Variants in B3GALT1 observed in about 807,000 individuals in gnomAD.
B3GALT1 encodes the protein beta-1,3-galactosyltransferase 1, also known as UDP-Gal:betaGlcNAc beta 1,3-galactosyltransferase, polypeptide 1.
B3GALT1 carries 10 observed loss-of-function variants against 23.2 expected under a neutral mutation model. The ratio of observed to expected loss-of-function variants is 0.43; its 90% confidence interval spans 0.27 to 0.73. B3GALT1 has a LOEUF of 0.73. Among genes scored for constraint, B3GALT1 ranks in the 30% least tolerant of loss-of-function variants. The pLI is 0.21. For missense variants in B3GALT1, 299 were observed against 405.4 expected (o/e 0.74, Z 2.25); for synonymous variants, 156 against 141.5 (o/e 1.10, Z -0.73).
Position 167,667,751 on chromosome 2 carries a change from G to C in B3GALT1, c.-352+20785G>C, listed in dbSNP as rs1019303086. Among the ~76,000 whole-genome samples the C allele has an allele frequency of 1.3e-5, 2 of 152,124 alleles. 1 individual carries two copies. The highest frequency in any genetic ancestry group is 1.3e-4 in the Admixed American group (2 of 15,276). On this transcript the variant is annotated intron_variant, in intron 3 of 4. Transcript: ENST00000392690. ...CTTCCAGTTGATCGCATCGGCTGAG[G>C]CTTCTGCATTCTTCACGTAGTTCTC...
chr2:167,855,027 A>C (rs953963152), intron 4 of B3GALT1, among the ~76,000 whole-genome samples: 74 of 152,286 alleles, frequency 4.9e-4, no homozygotes, highest in African/African-American at 1.7e-3. Flanking sequence ...GGCTTTGTAG[A>C]TACCTTAATA....
At chr2:167,868,461 A>G (rs1690276634) in intron 4 of B3GALT1, among the ~76,000 whole-genome samples, 1 of 151,440 alleles carries the variant, frequency 6.6e-6, no homozygotes, top group African/African-American at 2.4e-5. Context: ...TTGAAAGAAG[A>G]CTTTAGTGCC....
At chr2:167,745,962 C>G (rs141286077) in intron 3 of B3GALT1, among the ~76,000 whole-genome samples, 2 of 152,248 alleles carry the variant, frequency 1.3e-5, no homozygotes, top group Non-Finnish European at 2.9e-5. Context: ...TCTTAACTCT[C>G]TCTAATAATT....
At chr2:167,663,809 T>G (rs1686117948) in intron 3 of B3GALT1, among the ~76,000 whole-genome samples, 1 of 152,158 alleles carries the variant, frequency 6.6e-6, no homozygotes, top group Admixed American at 6.5e-5. Context: ...GATGGGGTTC[T>G]TTGTTTTTTT....
intron 1 of B3GALT1, among the ~76,000 whole-genome samples, chr2:167,305,599 G>A (rs1417364420): frequency 6.6e-6 from 1 of 152,050 alleles, no homozygotes; most frequent in Non-Finnish European, 1.5e-5. Flanking sequence ...CTTGTCTTCA[G>A]TTGCACGGTT....
rs182644013 is a variant in B3GALT1 at position 167,590,302 on chromosome 2, T to C, written c.-409-56607T>C. Among the ~76,000 whole-genome samples, 559 of 139,394 alleles carry C rather than the reference T, an allele frequency of 4.0e-3. 3 individuals are homozygous for C. Among genetic ancestry groups the C allele is most frequent in the African/African-American group, 0.015 (537 of 36,856 alleles). The allele number at this position is 139,394 out of a possible 152,430, so 91.4% of individuals were successfully genotyped here. A position where few individuals can be genotyped will look rare whatever the true frequency, so the allele number is the denominator to read the frequency against. On this transcript the variant is annotated intron_variant, in intron 2 of 4. Coordinates refer to ENST00000392690, the MANE Select transcript of B3GALT1 (RefSeq NM_020981.4). Reference sequence around the variant, plus strand: ...CAGAGCTTGCAGTGCGCTGAGATCGTGCCACTGCACTCCAGCCTGGGCGAC... The same window carrying C: ...CAGAGCTTGCAGTGCGCTGAGATCGCGCCACTGCACTCCAGCCTGGGCGAC...
At chr2:167,716,474 T>C (rs371997746) in intron 3 of B3GALT1, among the ~76,000 whole-genome samples, 2 of 152,238 alleles carry the variant, frequency 1.3e-5, no homozygotes, top group East Asian at 3.8e-4. Context: ...TTATCTGATA[T>C]ACGTACAGGC....
intron 4 of B3GALT1, among the ~76,000 whole-genome samples, chr2:167,832,677 C>T (rs945895566): frequency 2.6e-5 from 4 of 152,310 alleles, no homozygotes; most frequent in South Asian, 2.1e-4. Flanking sequence ...CCTCAACAAA[C>T]GCTCTATTAA....
At chr2:167,497,940 T>A (rs1414166618) in intron 2 of B3GALT1, among the ~76,000 whole-genome samples, 2 of 152,058 alleles carry the variant, frequency 1.3e-5, no homozygotes, top group Non-Finnish European at 1.5e-5. Flanking sequence ...TTCAACTACC[T>A]GTTAAATATT....
intron 1 of B3GALT1, among the ~76,000 whole-genome samples, chr2:167,430,408 A>C (rs1698689592): frequency 6.6e-6 from 1 of 152,160 alleles, no homozygotes; most frequent in African/African-American, 2.4e-5. Flanking sequence ...GAGGCATGAT[A>C]TGATCTGACT....
At chr2:167,783,104 C>T (rs1212287525) in intron 3 of B3GALT1, among the ~76,000 whole-genome samples, 1 of 151,980 alleles carries the variant, frequency 6.6e-6, no homozygotes, top group Non-Finnish European at 1.5e-5. Context: ...ATTTTAAACC[C>T]ACCACTTCTG....
At chr2:167,646,119 A>G (rs1328838152) in intron 2 of B3GALT1, among the ~76,000 whole-genome samples, 1 of 152,158 alleles carries the variant, frequency 6.6e-6, no homozygotes, top group East Asian at 1.9e-4. Context: ...TTTTATGGGC[A>G]TCTGAGGTTT....
chr2:167,512,568 GTATATATATA>G (rs66968215), intron 2 of B3GALT1, among the ~76,000 whole-genome samples: 1,155 of 38,660 alleles, frequency 0.03, 42 homozygotes, highest in African/African-American at 0.17. Context: ...ATATATATAT[GTATATATATA>G]TGTATATATA....
intron 3 of B3GALT1, among the ~76,000 whole-genome samples, chr2:167,740,156 T>C (rs963872650): frequency 4.6e-5 from 7 of 151,408 alleles, no homozygotes; most frequent in African/African-American, 1.7e-4. Flanking sequence ...GAAATTCTAC[T>C]AGAGAAGCTT....
chr2:167,446,596 T>C (rs550610810), intron 1 of B3GALT1, among the ~76,000 whole-genome samples: 1 of 152,202 alleles, frequency 6.6e-6, no homozygotes, highest in African/African-American at 2.4e-5. Context: ...CTTCTCTTCT[T>C]GCTTCATTTC....
intron 3 of B3GALT1, among the ~76,000 whole-genome samples, chr2:167,775,254 T>C (rs910852139): frequency 3.9e-5 from 6 of 152,162 alleles, no homozygotes; most frequent in Admixed American, 2.0e-4. Context: ...ATATATTTCA[T>C]GCAATAAAAG....
intron 3 of B3GALT1, among the ~76,000 whole-genome samples, chr2:167,739,941 A>G (rs1318232893): frequency 6.8e-6 from 1 of 146,500 alleles, no homozygotes; most frequent in Non-Finnish European, 1.5e-5. Context: ...AAAACAAACA[A>G]AAAAAAAAAA....
intron 3 of B3GALT1, among the ~76,000 whole-genome samples, chr2:167,667,924 T>G (rs146560137): frequency 0.047 from 7,162 of 152,236 alleles, 575 homozygotes; most frequent in African/African-American, 0.16. Context: ...TAATTTGATC[T>G]TCTGAAGCCT....
In B3GALT1 at chr2:167,301,749, A is replaced by G. The variant is rs957154595; in HGVS notation, c.-511+8415A>G. Among the ~76,000 whole-genome samples the G allele has an allele frequency of 4.6e-5, 7 of 152,126 alleles. No individual in the cohort carries two copies. The South Asian group carries it at 1.0e-3, about 22-fold the overall frequency. The stretch of plus-strand genomic sequence containing the variant: ...ATTTTTTAGTAGAGATGGTTTCACC[A>G]TGTTGGCCAGGCCAGTGACAAACTC... On this transcript the variant is annotated intron_variant, in intron 1 of 4. Coordinates refer to ENST00000392690, the MANE Select transcript of B3GALT1 (RefSeq NM_020981.4).
Sources: gnomAD v4.1 joint callset for allele counts (sites outside exome capture counted in the v4.1 genomes callset) on GRCh38, gnomAD v4.1.1 for gene constraint, MANE v1.5 for transcripts, NCBI Gene and HGNC (gene_info 2026-07-23, HGNC 2026-07-21) for gene names.